The following SPTBN5 variants were observed in gnomAD, a reference collection of about 807,000 sequenced individuals.
SPTBN5 encodes the protein spectrin beta, non-erythrocytic 5, also known as spectrin beta chain, non-erythrocytic 5.
Under a neutral mutation model 477.6 loss-of-function variants are expected in SPTBN5, and 513 were observed. That is an observed-to-expected ratio of 1.07 (90% CI 1.00 to 1.16). The LOEUF (loss-of-function observed/expected upper bound fraction) is 1.16. Among genes scored for constraint, SPTBN5 ranks in the 50% most tolerant of loss-of-function variants. The probability of loss-of-function intolerance (pLI) is 0.00; values close to 1 mark genes in which losing one functional copy is unlikely to be tolerated. For synonymous variants in SPTBN5, 2,169 were observed against 2,011.7 expected, an observed-to-expected ratio of 1.08 and a Z score of -2.09; for missense variants, 5,062 against 4,731.8, an observed-to-expected ratio of 1.07 and a Z score of -2.05.
rs1440841732 is a variant in SPTBN5, at chr15:41,853,640, G to A, written c.9922C>T (p.Gln3308Ter). 1.3e-6 allele frequency: 2 copies of A among 1,594,420 alleles called. No homozygotes were observed. Among genetic ancestry groups the A allele is most frequent in the African/African-American group, 1.3e-5 (1 of 74,734 alleles). The stretch of plus-strand genomic sequence containing the variant: ...CCCTGTGCAGCCTGCGCCAGCCACT[G>A]GCCTCGCTCCTGGGCCTTCGCCTGC... ...TLQAKAQERG[Q>*]WLAQAAQGHA... Residue 3308 changes from glutamine to a stop codon, truncating the protein, a stop_gained, in exon 58 of 68, where the codon CAG becomes TAG. Transcript: ENST00000320955. LOFTEE classifies it high-confidence loss of function.
rs770923113 is a variant in SPTBN5 at position 41,882,565 on chromosome 15, C to A, written c.2046+20G>T. The A allele has an allele frequency of 1.9e-6, 3 of 1,585,218 alleles. No individual in the cohort carries two copies. The highest frequency in any genetic ancestry group is 2.6e-6 in the Non-Finnish European group (3 of 1,168,632). On this transcript the variant is annotated intron_variant, in intron 10 of 67. Transcript: ENST00000320955. ...GGGCAAGGCGCTGGCGACCGGCGGG[C>A]GCGCTCGGGGAGCTGACACCTTGTG...
Position 41,886,241 on chromosome 15 carries a change from C to T in SPTBN5, c.1014G>A (p.Leu338=). Residue 338 remains leucine (L), a synonymous_variant, in exon 7 of 68, where the codon CTG becomes CTA. Coordinates refer to ENST00000320955, the MANE Select transcript of SPTBN5 (RefSeq NM_016642.4). ...QLEARDFPDS[L]PAMRQLLAAF... ...CTGCCAGTAGCTGCCGCATGGCGGG[C>T]AGCGAGTCTGGAAAATCCCGCGCCT... is the stretch of plus-strand genomic sequence containing the variant. 6.2e-7 allele frequency: 1 copy of T among 1,613,124 alleles called. No homozygotes were observed. The highest frequency in any genetic ancestry group is 2.2e-5 in the East Asian group (1 of 44,890).
At chr15:41,878,665 G>T in intron 16 of SPTBN5, 36 bp from the exon 17 acceptor site, 2 of 1,581,384 alleles carry the variant, frequency 1.3e-6, no homozygotes, top group Non-Finnish European at 1.7e-6. Context: ...TCAGTGCCCT[G>T]TCCTGGGCCT....
At position 41,886,305 on chromosome 15, in the gene SPTBN5, T is replaced by C. The variant is rs1391407558; in HGVS notation, c.950A>G (p.Asp317Gly). The C allele has an allele frequency of 6.2e-7, 1 of 1,613,016 alleles. No individual in the cohort carries two copies. The highest frequency in any genetic ancestry group is 8.5e-7 in the Non-Finnish European group (1 of 1,179,786). Residue 317 changes from aspartate to glycine, a missense_variant, in exon 7 of 68, where the codon GAC becomes GGC. Coordinates refer to ENST00000320955, the MANE Select transcript of SPTBN5 (RefSeq NM_016642.4). Reference protein sequence around the residue: ...LQTQYEQLVADLLRWIAEKQM... With the variant: ...LQTQYEQLVAGLLRWIAEKQM... Reference sequence around the variant, plus strand: ...CTTCTCTGCAATCCAGCGTAGAAGGTCAGCCACCAGCTGCTCGTACTGGGT... The same window carrying C: ...CTTCTCTGCAATCCAGCGTAGAAGGCCAGCCACCAGCTGCTCGTACTGGGT...
At position 41,868,576 on chromosome 15, in the gene SPTBN5, G is replaced by A. The variant is rs961537800; in HGVS notation, c.5879C>T (p.Ala1960Val). The A allele has an allele frequency of 1.2e-6, 2 of 1,600,908 alleles. No homozygotes were observed. Among genetic ancestry groups the A allele is most frequent in the Non-Finnish European group, 1.7e-6 (2 of 1,179,650 alleles). ...TAVRDYASWA[A>V]RVRQDLQVEE... ...CACCTGCAGGTCCTGGCGCACGCGGGCTGCCCAGGAGGCATAGTCACGCAC... is the reference window on the plus strand; with the variant it reads ...CACCTGCAGGTCCTGGCGCACGCGGACTGCCCAGGAGGCATAGTCACGCAC... The change falls in exon 33 of 68, where the codon GCC (alanine) becomes GTC (valine). Residue 1960 changes from alanine to valine, a missense_variant. Ala to Val is a moderately conservative substitution (Grantham distance 64). Transcript: ENST00000320955.
chr15:41,854,456 C>G (rs533342588), intron 56 of SPTBN5, among the ~76,000 whole-genome samples: 1 of 151,914 alleles, frequency 6.6e-6, no homozygotes, highest in Admixed American at 6.5e-5. Flanking sequence ...GAAAGGCAGA[C>G]GCGAGGTGTT....
chr15:41,893,566 G>A lies in SPTBN5; in HGVS notation c.-49-20C>T. ...CTAAACCTGGAGGGCATGCAGATTA[G>A]GGGATGATGTGAATGGAGATGGCCC... On this transcript the variant is annotated intron_variant, in intron 1 of 67. Transcript: ENST00000320955. The A allele has an allele frequency of 6.6e-7, 1 of 1,523,244 alleles. No homozygotes were observed. Among genetic ancestry groups the A allele is most frequent in the Non-Finnish European group, 8.8e-7 (1 of 1,139,140 alleles). The allele number at this position is 1,523,244 out of a possible 1,614,324, so 94.4% of individuals were successfully genotyped here. A position where few individuals can be genotyped will look rare whatever the true frequency, so the allele number is the denominator to read the frequency against.
chr15:41,881,961 G>A lies in SPTBN5; in HGVS notation c.2432C>T (p.Ala811Val), dbSNP rs1384689803. 6 of 1,527,932 alleles carry A rather than the reference G, an allele frequency of 3.9e-6. No homozygotes were observed. Among genetic ancestry groups the A allele is most frequent in the Non-Finnish European group, 5.2e-6 (6 of 1,146,766 alleles). The allele number at this position is 1,527,932 out of a possible 1,614,324, so 94.6% of individuals were successfully genotyped here. ...CGTGAATAACGACGCCCGGGCCGAGGCCGCCCGCCCCTGCTCCTCCAGCCG... is the reference window on the plus strand; with the variant it reads ...CGTGAATAACGACGCCCGGGCCGAGACCGCCCGCCCCTGCTCCTCCAGCCG... Reference protein sequence around the residue: ...LRRLEEQGRAASARASLFTVN... With the variant: ...LRRLEEQGRAVSARASLFTVN... The change falls in exon 12 of 68, where the codon GCC becomes GTC. Residue 811 changes from alanine (A) to valine (V), a missense_variant. Ala to Val is a moderately conservative substitution (Grantham distance 64). Coordinates refer to ENST00000320955, the MANE Select transcript of SPTBN5 (RefSeq NM_016642.4).
chr15:41,868,076 G>T lies in SPTBN5; in HGVS notation c.6200C>A (p.Ala2067Asp). The T allele has an allele frequency of 6.2e-7, 1 of 1,601,214 alleles. No homozygotes were observed. Among genetic ancestry groups the T allele is most frequent in the Non-Finnish European group, 8.5e-7 (1 of 1,177,400 alleles). Residue 2067 changes from alanine (A) to aspartate (D), a missense_variant, in exon 34 of 68, where the codon GCC becomes GAC. Ala to Asp is a moderately radical substitution (Grantham distance 126). Coordinates refer to ENST00000320955, the MANE Select transcript of SPTBN5 (RefSeq NM_016642.4). The part of the protein sequence containing the change: ...ECGRLEEILA[A>D]QEVSLKTSAL... Reference sequence around the variant, plus strand: ...GGGCGGGAGGGGACCTGCCTCCTGGGCCGCGAGGATCTCCTCCAGGCGGCC... The same window carrying T: ...GGGCGGGAGGGGACCTGCCTCCTGGTCCGCGAGGATCTCCTCCAGGCGGCC...
chr15:41,850,808 C>A, intron 66 of SPTBN5, 46 bp downstream of exon 66: 1 of 1,510,892 alleles, frequency 6.6e-7, no homozygotes, highest in South Asian at 1.2e-5. Flanking sequence ...GAGCTTGGGG[C>A]CCAGGGAGTC....
chr15:41,856,899 T>A lies in SPTBN5; in HGVS notation c.8762A>T (p.Tyr2921Phe). ...CCGCACCGCACTCAGGCTCTGGCCATAGTCCTGGGCAGCGGCCAGAGGCAG... is the reference window on the plus strand; with the variant it reads ...CCGCACCGCACTCAGGCTCTGGCCAAAGTCCTGGGCAGCGGCCAGAGGCAG... ...EKLPLAAAQD[Y>F]GQSLSAVRHL... The change falls in exon 52 of 68, where the codon TAT (tyrosine) becomes TTT (phenylalanine). Residue 2921 changes from tyrosine (Y) to phenylalanine (F), a missense_variant. By Grantham distance (22) the Tyr-to-Phe change is conservative. Transcript: ENST00000320955. 15 of 1,552,460 alleles carry A rather than the reference T, an allele frequency of 9.7e-6. No homozygotes were observed. Among genetic ancestry groups the A allele is most frequent in the Non-Finnish European group, 1.3e-5 (15 of 1,148,056 alleles).
Position 41,853,206 on chromosome 15 carries a change from C to T in SPTBN5, c.10170+52G>A, listed in dbSNP as rs982544609. On this transcript the variant is annotated intron_variant, in intron 59 of 67. Transcript: ENST00000320955. The stretch of plus-strand genomic sequence containing the variant: ...CTGTGAGGGGCCCTGAGGCCCTGGG[C>T]AATCAGGCTGTATCCCCAGCCCAAC... 3.9e-6 allele frequency: 6 copies of T among 1,541,704 alleles called. No individual in the cohort carries two copies. In the African/African-American group the frequency reaches 6.8e-5, roughly 18 times the overall value.
Position 41,878,504 on chromosome 15 carries a change from G to C in SPTBN5, c.3308C>G (p.Ala1103Gly). ...QRARRQAETQ[A>G]RQSFLQESQQ... ...GCTCTCTTGCAGGAAGCTCTGCCGGGCCTGAGTCTCAGCCTGGCGCCGGGC... is the reference window on the plus strand; with the variant it reads ...GCTCTCTTGCAGGAAGCTCTGCCGGCCCTGAGTCTCAGCCTGGCGCCGGGC... Residue 1103 changes from alanine (A) to glycine (G), a missense_variant, in exon 17 of 68, where the codon GCC becomes GGC. By Grantham distance (60) the Ala-to-Gly change is moderately conservative. Coordinates refer to ENST00000320955, the MANE Select transcript of SPTBN5 (RefSeq NM_016642.4). The C allele has an allele frequency of 6.2e-7, 1 of 1,613,262 alleles. No individual in the cohort carries two copies. Among genetic ancestry groups the C allele is most frequent in the Non-Finnish European group, 8.5e-7 (1 of 1,179,802 alleles).
In SPTBN5 at chr15:41,876,793, CTG is replaced by C; in HGVS notation, c.3851+14_3851+15del. ...AAGGGTCATCTGCAGGTGCTGCAGA[CTG>C]AGGCCAGGCTCACGTGTGTGCAGCT... is the stretch of plus-strand genomic sequence containing the variant. On this transcript the variant is annotated intron_variant, in intron 19 of 67. Coordinates refer to ENST00000320955, the MANE Select transcript of SPTBN5 (RefSeq NM_016642.4). 2 of 1,609,696 alleles carry C rather than the reference CTG, an allele frequency of 1.2e-6. No individual in the cohort carries two copies. Among genetic ancestry groups the C allele is most frequent in the Non-Finnish European group, 1.7e-6 (2 of 1,179,706 alleles).
At chr15:41,880,076 A>G in intron 14 of SPTBN5, 84 bp downstream of exon 14, 1 of 1,484,564 alleles carries the variant, frequency 6.7e-7, no homozygotes, top group Non-Finnish European at 9.0e-7. Flanking sequence ...GACGGTAGTT[A>G]AATTGGAAAA....
At chr15:41,858,851 T>C (rs1184520674) in intron 48 of SPTBN5, 39 bp downstream of exon 48, 2 of 1,548,778 alleles carry the variant, frequency 1.3e-6, no homozygotes, top group East Asian at 4.6e-5. Flanking sequence ...GTCGACTCCT[T>C]CCCCACCATG....
chr15:41,858,452 G>T (rs2065991514), intron 49 of SPTBN5, 150 bp downstream of exon 49: 2 of 1,019,078 alleles, frequency 2.0e-6, no homozygotes, highest in Non-Finnish European at 2.7e-6. Context: ...CTACACTTCT[G>T]CCTAAACAAC....
In SPTBN5 at chr15:41,871,427, C is replaced by G. The variant is rs1290906680; in HGVS notation, c.5395G>C (p.Glu1799Gln). 7.8e-6 allele frequency: 12 copies of G among 1,543,924 alleles called. No individual in the cohort carries two copies. Among genetic ancestry groups the G allele is most frequent in the South Asian group, 2.4e-5 (2 of 82,472 alleles). Reference protein sequence around the residue: ...ACRLLAESLLERGHSAGPMVR... With the variant: ...ACRLLAESLLQRGHSAGPMVR... ...ATGGGGCCAGCACTGTGCCCACGCT[C>G]TAGCAGGCTCTCCGCCAGCAGCCGG... Residue 1799 changes from glutamate to glutamine, a missense_variant, in exon 29 of 68, where the codon GAG becomes CAG. Physicochemically the swap from Glu to Gln is conservative, Grantham distance 29 (BLOSUM62 2). Transcript: ENST00000320955.
At position 41,855,223 on chromosome 15, in the gene SPTBN5, C is replaced by T; in HGVS notation, c.9423+1G>A. ...GTGAGGTTTGCTCAGGAGTAACTCA[C>T]CTTGACACCCTCCAGGTCCTGCCCG... On this transcript the variant is annotated splice_donor_variant, in intron 55 of 67. Coordinates refer to ENST00000320955, the MANE Select transcript of SPTBN5 (RefSeq NM_016642.4). LOFTEE classifies it high-confidence loss of function. The T allele has an allele frequency of 1.2e-6, 2 of 1,608,504 alleles. No homozygotes were observed. Among genetic ancestry groups the T allele is most frequent in the South Asian group, 2.2e-5 (2 of 90,702 alleles).
Sources: allele counts gnomAD v4.1 joint callset (sites outside exome capture counted in the v4.1 genomes callset), GRCh38; gene constraint gnomAD v4.1.1; transcripts MANE v1.5; gene names NCBI Gene and HGNC (gene_info 2026-07-23, HGNC 2026-07-21).